The following PPP6R1 variants were observed in gnomAD, a reference collection of about 807,000 sequenced individuals.
PPP6R1 encodes protein phosphatase 6 regulatory subunit 1, also known as serine/threonine-protein phosphatase 6 regulatory subunit 1.
In PPP6R1, 39 loss-of-function variants were observed where a neutral mutation model predicts 104.6. The ratio of observed to expected loss-of-function variants is 0.37; its 90% confidence interval spans 0.29 to 0.49. The LOEUF (loss-of-function observed/expected upper bound fraction) is 0.49, where lower values mean the gene tolerates loss of function less well. Ranked by LOEUF, PPP6R1 falls within the 20% of genes least tolerant of loss-of-function variation. The pLI, the probability that PPP6R1 is intolerant of heterozygous loss-of-function variation, is 0.98. For missense variants in PPP6R1, 1,181 were observed against 1,155.8 expected, an observed-to-expected ratio of 1.02 and a Z score of -0.32; for synonymous variants, 549 against 479.0, an observed-to-expected ratio of 1.15 and a Z score of -1.91.
intron 17 of PPP6R1, among the ~76,000 whole-genome samples, chr19:55,234,752 C>T (rs776248701): frequency 1.2e-4 from 19 of 152,214 alleles, no homozygotes; most frequent in Non-Finnish European, 2.2e-4. Flanking sequence ...CATGGCACTG[C>T]CCCACTGCAC....
In PPP6R1 at chr19:55,241,630, G is replaced by A. The variant is rs116464914; in HGVS notation, c.855C>T (p.Ser285=). The A allele has an allele frequency of 9.6e-4, 1,508 of 1,577,832 alleles. 12 individuals are homozygous for A. The African/African-American group carries it at 0.014, about 15-fold the overall frequency. ...TGCTGAAGAAGCTGTTCACGGTCAC[G>A]GACTCGGACCTGCAGCAGGGCAGGG... ...LLEPRRPRSE[S]VTVNSFFSSV... is the part of the protein sequence containing the mutation. Residue 285 remains serine (S), a synonymous_variant, in exon 8 of 24, where the codon TCC becomes TCT. Transcript: ENST00000412770. The surrounding 1 kb of genome is among the most constrained non-coding windows in gnomAD (Gnocchi z 5.4).
rs553528018 is a variant in PPP6R1, at chr19:55,246,735, T to C, written c.227+142A>G. On this transcript the variant is annotated intron_variant, in intron 2 of 23. Coordinates refer to ENST00000412770, the MANE Select transcript of PPP6R1 (RefSeq NM_014931.4). ...AGCTGTGAGGCCTTGTGCAGGAGCC[T>C]GGCTGCTCCCAGCCTCGTCTTCCTC... 243 of 838,064 alleles carry C rather than the reference T, an allele frequency of 2.9e-4. No homozygotes were observed. The African/African-American group carries it at 3.9e-3, about 13-fold the overall frequency. The allele number at this position is 838,064 out of a possible 1,614,324, so 51.9% of individuals were successfully genotyped here.
At chr19:55,247,430 G>GAAGT (rs748450654) in intron 1 of PPP6R1, 10 of 377,968 alleles carry the variant, frequency 2.6e-5, no homozygotes, top group Admixed American at 2.1e-4. Context: ...CAGGCCTGGT[G>GAAGT]AAGTCCCCAG....
At chr19:55,235,312 AGCT>A (rs1257269736) in intron 17 of PPP6R1, among the ~76,000 whole-genome samples, 2 of 152,044 alleles carry the variant, frequency 1.3e-5, no homozygotes, top group East Asian at 3.9e-4. Flanking sequence ...AGAAGAGAGA[AGCT>A]GCCTGGGACC....
At chr19:55,232,500 G>T in intron 17 of PPP6R1, 1 of 420,882 alleles carries the variant, frequency 2.4e-6, no homozygotes. Context: ...CTGAGCCTCA[G>T]CCATGGCAAC....
intron 1 of PPP6R1, among the ~76,000 whole-genome samples, chr19:55,250,181 C>T (rs2087542427): frequency 6.6e-6 from 1 of 152,258 alleles, no homozygotes; most frequent in African/African-American, 2.4e-5. Flanking sequence ...AGCACCTGCA[C>T]TGCGCTGACT....
rs1273597220 is a variant in PPP6R1, at chr19:55,242,157, A to G, written c.845+9T>C. On this transcript the variant is annotated intron_variant, in intron 7 of 23. Coordinates refer to ENST00000412770, the MANE Select transcript of PPP6R1 (RefSeq NM_014931.4). ...GCAGCATGCATGGTCTGTGGCCCGT[A>G]TCCCTCACCTCGGCCTCCTGGGCTC... 6 of 1,609,208 alleles carry G rather than the reference A, an allele frequency of 3.7e-6. No individual in the cohort carries two copies. The highest frequency in any genetic ancestry group is 5.1e-6 in the Non-Finnish European group (6 of 1,178,164).
rs558623951 is a variant in PPP6R1, at chr19:55,241,222, C to T, written c.1161+17G>A. The stretch of plus-strand genomic sequence containing the variant: ...CGCCCCAGCCCCTGAACCCCCAGCC[C>T]GGTCCAGTCCCCGCACCAGCATGGT... On this transcript the variant is annotated intron_variant, in intron 9 of 23. Transcript: ENST00000412770. This position sits in a 1 kb window ranked among gnomAD's most constrained non-coding sequence, Gnocchi z 5.4. 31 of 1,546,190 alleles carry T rather than the reference C, an allele frequency of 2.0e-5. No individual in the cohort carries two copies. The highest frequency in any genetic ancestry group is 1.6e-4 in the African/African-American group (12 of 73,520).
At chr19:55,258,175 C>T (rs927468491) in intron 1 of PPP6R1, among the ~76,000 whole-genome samples, 1 of 152,014 alleles carries the variant, frequency 6.6e-6, no homozygotes, top group Non-Finnish European at 1.5e-5. Flanking sequence ...CTGCAGAGAG[C>T]GAGTGGGAAA....
chr19:55,239,425 C>T lies in PPP6R1; in HGVS notation c.1731G>A (p.Gly577=). The change falls in exon 15 of 24, where the codon GGG becomes GGA. Residue 577 remains glycine, a synonymous_variant. Coordinates refer to ENST00000412770, the MANE Select transcript of PPP6R1 (RefSeq NM_014931.4). ...DHFGFNDEEF[G]EQEESVNAPF... ...CTCACTTCACACTCTCCTCCTGCTC[C>T]CCAAACTCCTCATCATTGAAGCCGA... 1 of 1,613,896 alleles carries T rather than the reference C, an allele frequency of 6.2e-7. No homozygotes were observed. The highest frequency in any genetic ancestry group is 8.5e-7 in the Non-Finnish European group (1 of 1,179,810).
At chr19:55,233,768 A>G (rs1482486393) in intron 17 of PPP6R1, among the ~76,000 whole-genome samples, 1 of 152,250 alleles carries the variant, frequency 6.6e-6, no homozygotes, top group Non-Finnish European at 1.5e-5. Context: ...AACATTGTTG[A>G]AAGAAATTTT....
downstream of PPP6R1, chr19:55,228,939 G>GGGTC (rs2087312139): frequency 1.7e-6 from 1 of 590,140 alleles, no homozygotes; most frequent in Non-Finnish European, 3.1e-6. Flanking sequence ...TTGGCACTGG[G>GGGTC]GGTCCCTCTG....
intron 1 of PPP6R1, among the ~76,000 whole-genome samples, chr19:55,255,966 G>A (rs1403309551): frequency 6.6e-6 from 1 of 152,192 alleles, no homozygotes; most frequent in African/African-American, 2.4e-5. Context: ...GAAACATGCC[G>A]ACTTCCCAGG....
chr19:55,231,400 C>T lies in PPP6R1; in HGVS notation c.2459+10G>A, dbSNP rs555238481. On this transcript the variant is annotated intron_variant, in intron 21 of 23. Transcript: ENST00000412770. The stretch of plus-strand genomic sequence containing the variant: ...CTCCCGATACTAGGCAGCCCCACCT[C>T]GCTGCTCACCTGTCCGAGGAGCTGG... 42 of 1,583,974 alleles carry T rather than the reference C, an allele frequency of 2.7e-5. No homozygotes were observed. Among genetic ancestry groups the T allele is most frequent in the Middle Eastern group, 1.8e-4 (1 of 5,534 alleles).
rs1467002775 is a variant in PPP6R1 at position 55,232,148 on chromosome 19, C to T, written c.2052G>A (p.Glu684=). The T allele has an allele frequency of 1.9e-6, 3 of 1,583,590 alleles. No individual in the cohort carries two copies. Among genetic ancestry groups the T allele is most frequent in the Non-Finnish European group, 2.6e-6 (3 of 1,164,838 alleles). The change falls in exon 18 of 24, where the codon GAG becomes GAA. Residue 684 remains glutamate (E), a synonymous_variant. Transcript: ENST00000412770. ...CACGGGCTGCACAGCCAATGCCCTC[C>T]TCGTCTTCCTCCTCCTCCTCGTCCT... ...EEEDEEEEED[E]EGIGCAARGG...
At position 55,241,705 on chromosome 19, in the gene PPP6R1, C is replaced by G. The variant is rs1349856172; in HGVS notation, c.846-66G>C. The G allele has an allele frequency of 2.0e-6, 3 of 1,464,662 alleles. No individual in the cohort carries two copies. The highest frequency in any genetic ancestry group is 2.8e-5 in the African/African-American group (2 of 70,420). 90.7% of individuals were successfully genotyped at this position (1,464,662 alleles called of 1,614,324 possible). Reference sequence around the variant, plus strand: ...GCCTGTGCGCCCACACAGGAGTAGGCACAAGGACCACGTCTGCAGGGTCTG... The same window carrying G: ...GCCTGTGCGCCCACACAGGAGTAGGGACAAGGACCACGTCTGCAGGGTCTG... On this transcript the variant is annotated intron_variant, in intron 7 of 23. Coordinates refer to ENST00000412770, the MANE Select transcript of PPP6R1 (RefSeq NM_014931.4). This position sits in a 1 kb window ranked among gnomAD's most constrained non-coding sequence, Gnocchi z 5.4.
intron 23 of PPP6R1, 21 bp downstream of exon 23, chr19:55,230,592 C>CCACCTACCCA (rs1568941785): frequency 6.2e-7 from 1 of 1,612,654 alleles, no homozygotes; most frequent in Non-Finnish European, 8.5e-7. Context: ...CTACCCAGCC[C>CCACCTACCCA]GAGGCTGCAG....
intron 21 of PPP6R1, 148 bp downstream of exon 21, chr19:55,231,262 A>C: frequency 1.0e-6 from 1 of 1,003,064 alleles, no homozygotes; most frequent in Non-Finnish European, 1.5e-6. Flanking sequence ...ACAGAGTGCA[A>C]GGGGCTGGGG....
chr19:55,240,443 C>T, intron 10 of PPP6R1, 143 bp from the exon 11 acceptor site: 1 of 820,722 alleles, frequency 1.2e-6, no homozygotes, highest in Non-Finnish European at 1.9e-6. Flanking sequence ...AGGAGGGATG[C>T]AAGCTGGGGC....
Sources: gnomAD v4.1 joint callset for allele counts (sites outside exome capture counted in the v4.1 genomes callset) on GRCh38, gnomAD v4.1.1 for gene constraint, Gnocchi (gnomAD v3.1) non-coding constraint, MANE v1.5 for transcripts, NCBI Gene and HGNC (gene_info 2026-07-23, HGNC 2026-07-21) for gene names.